THSD7B: variants seen among roughly 807,000 people sequenced by gnomAD.
THSD7B encodes the protein thrombospondin type-1 domain-containing protein 7B.
Under a neutral mutation model 213.6 loss-of-function variants are expected in THSD7B, and 138 were observed. The observed-to-expected ratio is 0.65, with a 90% confidence interval of 0.56 to 0.74. The LOEUF (loss-of-function observed/expected upper bound fraction) is 0.74, where lower values mean the gene tolerates loss of function less well. Ranked by LOEUF, THSD7B falls within the 30% of genes least tolerant of loss-of-function variation. The pLI is 0.00. For missense variants in THSD7B, 1,931 were observed against 1,991.5 expected, an observed-to-expected ratio of 0.97 and a Z score of 0.58; for synonymous variants, 742 against 687.0, an observed-to-expected ratio of 1.08 and a Z score of -1.25.
At chr2:137,236,787 A>G (rs13008976) in intron 9 of THSD7B, among the ~76,000 whole-genome samples, 7,010 of 152,180 alleles carry the variant, frequency 0.046, 199 homozygotes, top group Admixed American at 0.069. Context: ...TTGTAGCCCA[A>G]TGTGATGTAT....
intron 1 of THSD7B, among the ~76,000 whole-genome samples, chr2:136,826,026 T>A (rs79342253): frequency 0.028 from 4,303 of 152,242 alleles, 129 homozygotes; most frequent in East Asian, 0.16. Flanking sequence ...AGGCATCTTA[T>A]GGGAGGGGCA....
intron 2 of THSD7B, among the ~76,000 whole-genome samples, chr2:136,939,602 C>T (rs981043797): frequency 1.3e-5 from 2 of 152,174 alleles, no homozygotes; most frequent in African/African-American, 4.8e-5. Flanking sequence ...TCAGCTCTTT[C>T]CTGTCTCTTC....
At chr2:137,430,630 T>C (rs549297222) in intron 14 of THSD7B, among the ~76,000 whole-genome samples, 1 of 152,206 alleles carries the variant, frequency 6.6e-6, no homozygotes, top group Non-Finnish European at 1.5e-5. Context: ...TCCCCAGCTG[T>C]CAAGACATTG....
At chr2:137,075,960 G>A (rs986769524) in intron 3 of THSD7B, among the ~76,000 whole-genome samples, 6 of 152,168 alleles carry the variant, frequency 3.9e-5, no homozygotes, top group African/African-American at 1.4e-4. Flanking sequence ...TTGTCTCAGA[G>A]GAGTACCCGG....
At chr2:137,655,458 T>A in intron 21 of THSD7B, 43 bp from the exon 22 acceptor site, 1 of 1,566,974 alleles carries the variant, frequency 6.4e-7, no homozygotes, top group South Asian at 1.2e-5. Flanking sequence ...CTTTGAGATG[T>A]GAATTATTTG....
chr2:137,167,521 G>A (rs989400407), intron 6 of THSD7B, among the ~76,000 whole-genome samples: 1 of 152,076 alleles, frequency 6.6e-6, no homozygotes, highest in Non-Finnish European at 1.5e-5. Context: ...ACTAACTCAT[G>A]CAGAAATACA....
intron 1 of THSD7B, among the ~76,000 whole-genome samples, chr2:136,802,203 C>T (rs775177742): frequency 6.6e-6 from 1 of 151,968 alleles, no homozygotes; most frequent in Non-Finnish European, 1.5e-5. Flanking sequence ...TGCCAATTAC[C>T]ATCAGGAGAA....
At chr2:136,866,333 G>T (rs1367710471) in intron 1 of THSD7B, among the ~76,000 whole-genome samples, 1 of 151,960 alleles carries the variant, frequency 6.6e-6, no homozygotes, top group Non-Finnish European at 1.5e-5. Context: ...TTGAATTTCT[G>T]AGTATTACTT....
chr2:137,536,628 A>G (rs1680512189), intron 15 of THSD7B, among the ~76,000 whole-genome samples: 1 of 151,686 alleles, frequency 6.6e-6, no homozygotes, highest in Non-Finnish European at 1.5e-5. Context: ...TTTCCCAGAA[A>G]TTATATATTT....
intron 5 of THSD7B, among the ~76,000 whole-genome samples, chr2:137,141,826 T>A (rs1055279845): frequency 3.3e-5 from 5 of 152,094 alleles, no homozygotes; most frequent in African/African-American, 9.7e-5. Flanking sequence ...GCCCCACACC[T>A]GGTACTCACT....
intron 2 of THSD7B, among the ~76,000 whole-genome samples, chr2:136,964,956 A>G (rs1314884034): frequency 6.7e-6 from 1 of 148,624 alleles, no homozygotes; most frequent in Non-Finnish European, 1.5e-5. Flanking sequence ...AGCCAAGATC[A>G]TGCCACTGTA....
chr2:137,153,064 T>G (rs1160097702), intron 5 of THSD7B, among the ~76,000 whole-genome samples: 1 of 152,134 alleles, frequency 6.6e-6, no homozygotes, highest in Non-Finnish European at 1.5e-5. Context: ...AATCAGAAAA[T>G]AAGTTTCAAA....
intron 3 of THSD7B, among the ~76,000 whole-genome samples, chr2:137,089,736 G>A (rs753822793): frequency 6.6e-6 from 1 of 151,772 alleles, no homozygotes; most frequent in Non-Finnish European, 1.5e-5. Flanking sequence ...TGGGTGCACC[G>A]AAATCTCACA....
intron 1 of THSD7B, among the ~76,000 whole-genome samples, chr2:136,842,977 A>G (rs900912054): frequency 6.6e-6 from 1 of 151,942 alleles, no homozygotes; most frequent in African/African-American, 2.4e-5. Flanking sequence ...TGAATAATGT[A>G]CTCTAATCAG....
chr2:137,370,596 G>A (rs1014625795), intron 12 of THSD7B, among the ~76,000 whole-genome samples: 8 of 152,234 alleles, frequency 5.3e-5, no homozygotes, highest in East Asian at 3.9e-4. Flanking sequence ...AGCCTCCCGA[G>A]TAACTGGGAT....
intron 3 of THSD7B, among the ~76,000 whole-genome samples, chr2:137,067,057 T>A (rs1465596258): frequency 6.6e-6 from 1 of 152,116 alleles, no homozygotes; most frequent in African/African-American, 2.4e-5. Flanking sequence ...AGGGTTTCCA[T>A]CTCACTGCTT....
intron 17 of THSD7B, among the ~76,000 whole-genome samples, chr2:137,596,195 G>A (rs768132204): frequency 4.0e-5 from 6 of 151,868 alleles, no homozygotes; most frequent in Non-Finnish European, 8.8e-5. Flanking sequence ...AACACATGCT[G>A]GATAATACAA....
chr2:137,348,747 G>C (rs910176083), intron 12 of THSD7B, among the ~76,000 whole-genome samples: 1 of 143,644 alleles, frequency 7.0e-6, no homozygotes, highest in Non-Finnish European at 1.5e-5. Flanking sequence ...TTTTACTAGG[G>C]GCATGGGAGT....
At chr2:137,360,666 C>G (rs1217831094) in intron 12 of THSD7B, among the ~76,000 whole-genome samples, 1 of 152,286 alleles carries the variant, frequency 6.6e-6, no homozygotes, top group East Asian at 1.9e-4. Flanking sequence ...GGGGCGTCTG[C>G]CATTGCTGAG....
Sources: allele counts gnomAD v4.1 joint callset (sites outside exome capture counted in the v4.1 genomes callset), GRCh38; gene constraint gnomAD v4.1.1; transcripts MANE v1.5; gene names NCBI Gene and HGNC (gene_info 2026-07-23, HGNC 2026-07-21).